Variants in MACROD2 observed in about 807,000 individuals in gnomAD.
MACROD2 encodes the protein mono-ADP ribosylhydrolase 2, also known as ADP-ribose glycohydrolase MACROD2.
In MACROD2, 36 loss-of-function variants were observed where a neutral mutation model predicts 70.4. That is an observed-to-expected ratio of 0.51 (90% CI 0.39 to 0.68). The LOEUF (loss-of-function observed/expected upper bound fraction) is 0.68. Among genes scored for constraint, MACROD2 ranks in the 30% least tolerant of loss-of-function variants. The probability of loss-of-function intolerance (pLI) is 0.00; values close to 1 mark genes in which losing one functional copy is unlikely to be tolerated. For synonymous variants in MACROD2, 172 were observed against 178.8 expected (o/e 0.96, Z 0.30); for missense variants, 496 against 538.4 (o/e 0.92, Z 0.78).
chr20:14,308,890 T>C (rs2082542588), intron 3 of MACROD2, among the ~76,000 whole-genome samples: 1 of 152,048 alleles, frequency 6.6e-6, no homozygotes, highest in African/African-American at 2.4e-5. Context: ...AAAGGATGAG[T>C]AGCAGTGGTT....
At chr20:15,595,345 A>T (rs1318398963) in intron 8 of MACROD2, among the ~76,000 whole-genome samples, 6 of 152,228 alleles carry the variant, frequency 3.9e-5, no homozygotes, top group African/African-American at 1.4e-4. Context: ...TCATACAAAA[A>T]ATTTATAGCA....
intron 3 of MACROD2, among the ~76,000 whole-genome samples, chr20:14,216,822 TG>T (rs2081627048): frequency 6.6e-6 from 1 of 152,158 alleles, no homozygotes; most frequent in Non-Finnish European, 1.5e-5. Flanking sequence ...TCACTGTTGG[TG>T]TATAGAAGAG....
chr20:15,997,849 G>A (rs1391266860), intron 15 of MACROD2, among the ~76,000 whole-genome samples: 1 of 152,018 alleles, frequency 6.6e-6, no homozygotes. Context: ...CCTTTATTAT[G>A]TTGGAGTACA....
At chr20:14,082,665 T>C (rs2054015239) in intron 2 of MACROD2, among the ~76,000 whole-genome samples, 1 of 149,818 alleles carries the variant, frequency 6.7e-6, no homozygotes, top group Non-Finnish European at 1.5e-5. Context: ...GATTAGAAAA[T>C]CTATTTACTC....
At chr20:15,623,024 G>GA (rs1040041689) in intron 8 of MACROD2, among the ~76,000 whole-genome samples, 9 of 152,076 alleles carry the variant, frequency 5.9e-5, no homozygotes, top group African/African-American at 2.2e-4. Flanking sequence ...GTTAATTCTG[G>GA]AAAAATATTA....
At chr20:15,128,011 T>C (rs1410662098) in intron 5 of MACROD2, among the ~76,000 whole-genome samples, 1 of 152,152 alleles carries the variant, frequency 6.6e-6, no homozygotes, top group Non-Finnish European at 1.5e-5. Context: ...GAGTAAAGTA[T>C]TAAAGTCTTT....
At chr20:14,597,459 C>T (rs1005660163) in intron 4 of MACROD2, among the ~76,000 whole-genome samples, 1 of 152,034 alleles carries the variant, frequency 6.6e-6, no homozygotes, top group Non-Finnish European at 1.5e-5. Flanking sequence ...TTATTTAGTC[C>T]TCAAAAACAT....
At chr20:14,242,356 C>T (rs1283436724) in intron 3 of MACROD2, among the ~76,000 whole-genome samples, 1 of 152,020 alleles carries the variant, frequency 6.6e-6, no homozygotes, top group Non-Finnish European at 1.5e-5. Flanking sequence ...TTGTCATTTC[C>T]TGCACACACA....
At chr20:14,553,722 A>G (rs188186306) in intron 4 of MACROD2, among the ~76,000 whole-genome samples, 38 of 152,278 alleles carry the variant, frequency 2.5e-4, no homozygotes, top group Admixed American at 1.2e-3. Context: ...GTAGTGCATG[A>G]CTGCACCTAC....
In MACROD2 at chr20:14,967,051, G is replaced by T. The variant is rs546073340; in HGVS notation, c.419-262889G>T. On this transcript the variant is annotated intron_variant, in intron 5 of 17. Transcript: ENST00000684519. ...GGGTGTGTACTGATATTTCAATGTG[G>T]TTTTAATTTGCATTTCCTTGAAAAG... Among the ~76,000 whole-genome samples the T allele has an allele frequency of 5.3e-4, 80 of 152,228 alleles. No homozygotes were observed. In the Middle Eastern group the frequency reaches 0.014, roughly 26 times the overall value.
chr20:14,442,904 G>A (rs188466841), intron 3 of MACROD2, among the ~76,000 whole-genome samples: 144 of 151,960 alleles, frequency 9.5e-4, no homozygotes, highest in Admixed American at 3.5e-3. Flanking sequence ...GTGAAACCCC[G>A]TCTCTACTAA....
At chr20:14,660,986 A>G (rs189305404) in intron 4 of MACROD2, among the ~76,000 whole-genome samples, 138 of 152,036 alleles carry the variant, frequency 9.1e-4, no homozygotes, top group Non-Finnish European at 1.5e-3. Flanking sequence ...TGTCTTTGCT[A>G]TTGTGAATAG....
intron 3 of MACROD2, among the ~76,000 whole-genome samples, chr20:14,149,520 T>G (rs898528916): frequency 6.6e-6 from 1 of 152,182 alleles, no homozygotes; most frequent in African/African-American, 2.4e-5. Context: ...ATGAGATTGG[T>G]GGGTCAAGTG....
intron 10 of MACROD2, among the ~76,000 whole-genome samples, chr20:15,907,011 G>A (rs2065157848): frequency 6.6e-6 from 1 of 152,196 alleles, no homozygotes; most frequent in Admixed American, 6.5e-5. Context: ...AATGAAACTA[G>A]GTAAATGGCC....
chr20:14,790,043 A>G (rs1000578980), intron 5 of MACROD2, among the ~76,000 whole-genome samples: 3 of 152,162 alleles, frequency 2.0e-5, no homozygotes, highest in Non-Finnish European at 4.4e-5. Context: ...ATATGCAAAC[A>G]AACCTAAACA....
intron 7 of MACROD2, among the ~76,000 whole-genome samples, chr20:15,454,566 C>T (rs2146400445): frequency 6.6e-6 from 1 of 152,180 alleles, no homozygotes; most frequent in African/African-American, 2.4e-5. Flanking sequence ...CTCATTTACC[C>T]ATCACACATA....
intron 5 of MACROD2, among the ~76,000 whole-genome samples, chr20:14,687,338 A>G (rs564735773): frequency 1.3e-5 from 2 of 152,190 alleles, no homozygotes; most frequent in Non-Finnish European, 2.9e-5. Context: ...GCTGTAGTGT[A>G]TGGGTTCACA....
At chr20:15,568,687 C>A (rs1273202891) in intron 8 of MACROD2, among the ~76,000 whole-genome samples, 1 of 152,140 alleles carries the variant, frequency 6.6e-6, no homozygotes, top group Non-Finnish European at 1.5e-5. Flanking sequence ...CGCAAGGTCA[C>A]ACATAAGATA....
rs150586225 is a variant in MACROD2 at position 15,884,227 on chromosome 20, A to G, written c.728-1537A>G. On this transcript the variant is annotated intron_variant, in intron 9 of 17. Coordinates refer to ENST00000684519, the MANE Select transcript of MACROD2 (RefSeq NM_001351661.2). ...AATAAGGTACATCAAAGAGCACATG[A>G]TTCATTCAAACCTGGGGAAATCAGA... Among the ~76,000 whole-genome samples, 188 of 152,224 alleles carry G rather than the reference A, an allele frequency of 1.2e-3. 2 individuals are homozygous for G. The highest frequency in any genetic ancestry group is 4.3e-3 in the African/African-American group (177 of 41,566).
Sources: gnomAD v4.1 joint callset for allele counts (sites outside exome capture counted in the v4.1 genomes callset) on GRCh38, gnomAD v4.1.1 for gene constraint, MANE v1.5 for transcripts, NCBI Gene and HGNC (gene_info 2026-07-23, HGNC 2026-07-21) for gene names.